Variants in ANK2 observed in about 807,000 individuals in gnomAD.
ANK2 encodes ankyrin-2.
A neutral mutation model predicts 360.5 loss-of-function variants in ANK2; 83 were observed. The ratio of observed to expected loss-of-function variants is 0.23; its 90% CI spans 0.19 to 0.28. ANK2 has a LOEUF of 0.28. Among genes scored for constraint, ANK2 ranks in the 10% least tolerant of loss-of-function variants. The pLI, the probability that ANK2 is intolerant of heterozygous loss-of-function variation, is 1.00. For missense variants in ANK2, 4,201 were observed against 4,795.7 expected, an observed-to-expected ratio of 0.88 and a Z score of 3.66; for synonymous variants, 1,740 against 1,759.5, an observed-to-expected ratio of 0.99 and a Z score of 0.28.
At chr4:112,978,881 G>A (rs189153226) in intron 2 of ANK2, among the ~76,000 whole-genome samples, 2 of 152,290 alleles carry the variant, frequency 1.3e-5, no homozygotes, top group Admixed American at 1.3e-4. Context: ...TGTGCTCAGG[G>A]TGCTGTTACT....
At chr4:113,359,439 CT>C in intron 38 of ANK2, 140 bp downstream of exon 38, 1 of 1,087,610 alleles carries the variant, frequency 9.2e-7, no homozygotes, top group Non-Finnish European at 1.3e-6. Context: ...TGTGTAAGCC[CT>C]TTGTGTTTTG....
chr4:113,080,849 G>A (rs947492976), intron 1 of ANK2, among the ~76,000 whole-genome samples: 5 of 152,100 alleles, frequency 3.3e-5, no homozygotes, highest in African/African-American at 2.4e-5. Flanking sequence ...TGAAACCCTG[G>A]ATGCATTGGA....
intron 1 of ANK2, among the ~76,000 whole-genome samples, chr4:112,863,633 C>T (rs188816053): frequency 8.9e-4 from 134 of 151,290 alleles, no homozygotes; most frequent in African/African-American, 3.1e-3. Context: ...CGCCATTCTC[C>T]TGCCTCAGCC....
Position 113,049,830 on chromosome 4 carries a change from G to A in ANK2, c.84+18G>A. ...CCAAGAAGGTAAATCGCCGGAATTA[G>A]GAATGTCTGTGTATAAATATGTATG... On this transcript the variant is annotated intron_variant, in intron 1 of 45. Transcript: ENST00000357077. 6.2e-7 allele frequency: 1 copy of A among 1,613,014 alleles called. No individual in the cohort carries two copies. Among genetic ancestry groups the A allele is most frequent in the Non-Finnish European group, 8.5e-7 (1 of 1,179,288 alleles).
At chr4:113,082,052 G>A (rs774840534) in intron 1 of ANK2, among the ~76,000 whole-genome samples, 3 of 151,986 alleles carry the variant, frequency 2.0e-5, no homozygotes, top group Non-Finnish European at 4.4e-5. Flanking sequence ...CAGGTGATCC[G>A]CCCGTCTCGG....
At chr4:112,853,909 A>G (rs11098179) in intron 1 of ANK2, among the ~76,000 whole-genome samples, 1 of 152,116 alleles carries the variant, frequency 6.6e-6, no homozygotes, top group Admixed American at 6.5e-5. Flanking sequence ...CATTCATTCA[A>G]TCAATAAACA....
chr4:112,776,233 A>T, the ANK2 span, among the ~76,000 whole-genome samples: 2 of 152,238 alleles, frequency 1.3e-5, no homozygotes, highest in Non-Finnish European at 2.9e-5. Flanking sequence ...AGAGAAAAAC[A>T]TACAAATTTA....
Position 113,358,818 on chromosome 4 carries a change from G to C in ANK2, c.10200G>C (p.Lys3400Asn), listed in dbSNP as rs942441867. Residue 3400 changes from lysine (K) to asparagine (N), a missense_variant, in exon 38 of 46, where the codon AAG (lysine) becomes AAC (asparagine). Transcript: ENST00000357077. ...SESDASSLDS[K>N]TKCPVKTRSY... ...CTGATGCTAGTTCTTTGGATTCAAA[G>C]ACCAAATGCCCAGTAAAAACCCGAA... is the stretch of plus-strand genomic sequence containing the variant. The C allele has an allele frequency of 5.0e-6, 8 of 1,613,936 alleles. No individual in the cohort carries two copies. The highest frequency in any genetic ancestry group is 5.1e-6 in the Non-Finnish European group (6 of 1,179,972).
intron 2 of ANK2, among the ~76,000 whole-genome samples, chr4:113,041,884 T>A (rs2063052608): frequency 6.6e-6 from 1 of 152,144 alleles, no homozygotes; most frequent in Non-Finnish European, 1.5e-5. Context: ...AGACAAATAA[T>A]CTTTCTTCTG....
chr4:112,918,921 T>G (rs1344332953), intron 2 of ANK2, among the ~76,000 whole-genome samples: 1 of 152,204 alleles, frequency 6.6e-6, no homozygotes, highest in Non-Finnish European at 1.5e-5. Context: ...TTATTTGAGT[T>G]TATATATAGC....
the ANK2 span, among the ~76,000 whole-genome samples, chr4:112,784,674 A>G: frequency 5.3e-5 from 8 of 152,238 alleles, no homozygotes; most frequent in Admixed American, 4.6e-4. Flanking sequence ...GGCACAAGCA[A>G]TCTGCCCACC....
At chr4:113,077,184 T>TA (rs35067099) in intron 1 of ANK2, among the ~76,000 whole-genome samples, 17,948 of 152,148 alleles carry the variant, frequency 0.12, 1,222 homozygotes, top group African/African-American at 0.18. Context: ...TGCAGTCATT[T>TA]AAATTAATAT....
intron 1 of ANK2, among the ~76,000 whole-genome samples, chr4:112,844,775 AC>A: frequency 6.6e-6 from 1 of 152,364 alleles, no homozygotes; most frequent in South Asian, 2.1e-4. Flanking sequence ...TGTTAAGGTT[AC>A]TAGGAGCCAG....
At chr4:113,159,013 TCCTCC>T (rs1041775200) in intron 1 of ANK2, among the ~76,000 whole-genome samples, 20 of 152,122 alleles carry the variant, frequency 1.3e-4, no homozygotes, top group African/African-American at 4.8e-4. Flanking sequence ...TAAGGTAATA[TCCTCC>T]CCAGGGTTCT....
At chr4:113,197,629 G>A (rs1166363324) in intron 3 of ANK2, among the ~76,000 whole-genome samples, 6 of 152,156 alleles carry the variant, frequency 3.9e-5, no homozygotes, top group African/African-American at 9.7e-5. Context: ...GCCAGTTAAC[G>A]TGGATTTCCA....
chr4:113,184,194 G>T (rs1004434111), intron 2 of ANK2, among the ~76,000 whole-genome samples: 1 of 151,648 alleles, frequency 6.6e-6, no homozygotes, highest in Non-Finnish European at 1.5e-5. Context: ...CTACACCCAT[G>T]CATTCTAAAG....
chr4:113,376,802 G>GTTTTTTTT (rs36011726), intron 45 of ANK2, among the ~76,000 whole-genome samples: 1 of 114,178 alleles, frequency 8.8e-6, no homozygotes, highest in South Asian at 2.9e-4. Flanking sequence ...ACTTTTTAAG[G>GTTTTTTTT]TTTTTTTTTT....
chr4:113,145,939 AACTGG>A (rs1235765606), intron 1 of ANK2: 11 of 1,289,740 alleles, frequency 8.5e-6, no homozygotes, highest in Non-Finnish European at 1.1e-5. Flanking sequence ...AACATGCAGG[AACTGG>A]ATAAAACCCC....
chr4:113,106,458 C>T (rs943940734), intron 1 of ANK2, among the ~76,000 whole-genome samples: 23 of 152,148 alleles, frequency 1.5e-4, no homozygotes, highest in Non-Finnish European at 2.8e-4. Context: ...CCAGAAGGCC[C>T]AGAGAGGTGT....
Sources: allele counts gnomAD v4.1 joint callset (sites outside exome capture counted in the v4.1 genomes callset), GRCh38; gene constraint gnomAD v4.1.1; transcripts MANE v1.5; gene names NCBI Gene and HGNC (gene_info 2026-07-23, HGNC 2026-07-21).